MGST1: variants seen among roughly 807,000 people sequenced by gnomAD.
The protein encoded by MGST1 is microsomal glutathione S-transferase 1.
In MGST1, 5 loss-of-function variants were observed where a neutral mutation model predicts 8.9. That is an observed-to-expected ratio of 0.56 (90% CI 0.29 to 1.19). MGST1 has a LOEUF of 1.19. MGST1 is among the 50% of genes most tolerant of loss of function. MGST1 has a pLI of 0.08. For synonymous variants in MGST1, 54 were observed against 67.8 expected (o/e 0.80, Z 1.00); for missense variants, 182 against 187.4 (o/e 0.97, Z 0.17).
exon 2 of MGST1, chr12:16,437,879 C>T (rs199752809): frequency 1.5e-5 from 2 of 131,114 alleles, no homozygotes; most frequent in Admixed American, 1.5e-4. Flanking sequence ...TAGAAAAAAA[C>T]CCCTCTGAAT....
chr12:16,399,043 C>T (rs1940629494), intron 1 of MGST1, among the ~76,000 whole-genome samples: 1 of 152,228 alleles, frequency 6.6e-6, no homozygotes, highest in South Asian at 2.1e-4. Context: ...GAGCCTCCTC[C>T]TGTCCTCAAG....
rs141449561 is a variant in MGST1 at position 16,485,157 on chromosome 12, C to T, written n.482+101553C>T. On this transcript the variant is annotated intron_variant and non_coding_transcript_variant, in intron 4 of 4. Coordinates refer to the MGST1 transcript ENST00000538857. ...CCTATCTGCTCTTGGATTCTGTGAA[C>T]GCACATTCTATGGACATTGTTCTTG... Among the ~76,000 whole-genome samples, 354 of 152,300 alleles carry T rather than the reference C, an allele frequency of 2.3e-3. 1 individual carries two copies. The highest frequency in any genetic ancestry group is 7.7e-3 in the African/African-American group (320 of 41,564).
At chr12:16,353,824 A>G (rs936642056) in intron 1 of MGST1, among the ~76,000 whole-genome samples, 1 of 148,864 alleles carries the variant, frequency 6.7e-6, no homozygotes, top group Non-Finnish European at 1.5e-5. Context: ...CAGTGGCGCA[A>G]TCTTGGCTCA....
chr12:16,424,137 G>A (rs1342258304), intron 1 of MGST1, among the ~76,000 whole-genome samples: 1 of 152,176 alleles, frequency 6.6e-6, no homozygotes, highest in African/African-American at 2.4e-5. Context: ...GCAGGACCAA[G>A]AACAATTGTA....
At chr12:16,368,706 A>G (rs1026358879), downstream of MGST1, among the ~76,000 whole-genome samples, 1 of 152,080 alleles carries the variant, frequency 6.6e-6, no homozygotes, top group Non-Finnish European at 1.5e-5. Context: ...GAGCTATAGG[A>G]CCTGTGAGCC....
intron 4 of MGST1, among the ~76,000 whole-genome samples, chr12:16,543,828 T>G (rs1314988443): frequency 6.6e-6 from 1 of 152,076 alleles, no homozygotes; most frequent in African/African-American, 2.4e-5. Context: ...GAAAATTGTG[T>G]TTTGAGTTAA....
chr12:16,379,661 T>G (rs558607869), downstream of MGST1, among the ~76,000 whole-genome samples: 1 of 152,212 alleles, frequency 6.6e-6, no homozygotes, highest in Non-Finnish European at 1.5e-5. Context: ...GCTGGCCTCA[T>G]AAAATGAGTT....
intron 1 of MGST1, among the ~76,000 whole-genome samples, chr12:16,393,697 A>G (rs79387568): frequency 1.3e-5 from 2 of 152,350 alleles, no homozygotes; most frequent in East Asian, 3.9e-4. Flanking sequence ...CAGTGCACTA[A>G]GCCTGTTGCG....
At chr12:16,512,821 A>C (rs1315327643) in intron 4 of MGST1, among the ~76,000 whole-genome samples, 2 of 152,218 alleles carry the variant, frequency 1.3e-5, no homozygotes, top group Non-Finnish European at 2.9e-5. Context: ...CTATTTTTTC[A>C]TTAGGCTGTT....
chr12:16,490,508 A>G (rs2137155681), intron 4 of MGST1, among the ~76,000 whole-genome samples: 1 of 152,338 alleles, frequency 6.6e-6, no homozygotes, highest in Admixed American at 6.5e-5. Context: ...AGCATAACTC[A>G]GCAAATGCTG....
chr12:16,506,764 G>T (rs1410316877), intron 4 of MGST1, among the ~76,000 whole-genome samples: 1 of 149,292 alleles, frequency 6.7e-6, no homozygotes, highest in African/African-American at 2.4e-5. Flanking sequence ...AAGGAAAAAA[G>T]ACTACTTTTT....
intron 1 of MGST1, among the ~76,000 whole-genome samples, chr12:16,404,995 A>G (rs576065825): frequency 6.6e-6 from 1 of 152,328 alleles, no homozygotes; most frequent in East Asian, 1.9e-4. Flanking sequence ...GAACAAAGAT[A>G]CAACCTACCA....
At chr12:16,545,855 A>G (rs1941820997) in intron 4 of MGST1, among the ~76,000 whole-genome samples, 1 of 152,112 alleles carries the variant, frequency 6.6e-6, no homozygotes, top group African/African-American at 2.4e-5. Flanking sequence ...TTGCTCAAGC[A>G]TAAATAACTC....
intron 4 of MGST1, among the ~76,000 whole-genome samples, chr12:16,507,555 T>G (rs1377039552): frequency 6.6e-6 from 1 of 152,128 alleles, no homozygotes; most frequent in African/African-American, 2.4e-5. Flanking sequence ...AAGAACTACC[T>G]GAGACTGGGT....
rs11056949 is a variant in MGST1, at chr12:16,466,965, G to A, written n.482+83361G>A. On this transcript the variant is annotated intron_variant and non_coding_transcript_variant, in intron 4 of 4. Coordinates refer to the MGST1 transcript ENST00000538857. Reference sequence around the variant, plus strand: ...CTTATAAAAGGCAGTCTGACCCCGAGACTTCATAGCAGGTAGCAGATGGCT... The same window carrying A: ...CTTATAAAAGGCAGTCTGACCCCGAAACTTCATAGCAGGTAGCAGATGGCT... Among the ~76,000 whole-genome samples, 1,418 of 152,142 alleles carry A rather than the reference G, an allele frequency of 9.3e-3. 84 individuals carry two copies. The East Asian group carries it at 0.17, about 19-fold the overall frequency.
At chr12:16,386,441 T>C (rs1940504837) in intron 1 of MGST1, among the ~76,000 whole-genome samples, 1 of 152,202 alleles carries the variant, frequency 6.6e-6, no homozygotes, top group South Asian at 2.1e-4. Flanking sequence ...ACTCAGACTG[T>C]GCAGAAATCA....
At chr12:16,400,078 A>G (rs1940641351) in intron 1 of MGST1, 13 of 1,579,228 alleles carry the variant, frequency 8.2e-6, no homozygotes, top group East Asian at 2.2e-5. Flanking sequence ...TACTTTCTCC[A>G]TGAAATTCTA....
chr12:16,402,456 T>A (rs1476378100), intron 1 of MGST1: 1 of 1,589,632 alleles, frequency 6.3e-7, no homozygotes. Flanking sequence ...GTTCTGAGAA[T>A]CACGCGATGT....
Position 16,401,648 on chromosome 12 carries a change from A to G in MGST1, n.778+18044A>G. ...ACATGTGATTCTTGTCACTCACCAC[A>G]CTGAACTTGAGATTATAGTTGCCAC... On this transcript the variant is annotated intron_variant and non_coding_transcript_variant, in intron 1 of 1. Transcript: ENST00000359720. The surrounding 1 kb of genome is among the most constrained non-coding windows in gnomAD (Gnocchi z 4.3). 6.3e-7 allele frequency: 1 copy of G among 1,599,574 alleles called. No individual in the cohort carries two copies. The highest frequency in any genetic ancestry group is 8.6e-7 in the Non-Finnish European group (1 of 1,166,832).
Sources: allele counts gnomAD v4.1 joint callset (sites outside exome capture counted in the v4.1 genomes callset), GRCh38; gene constraint gnomAD v4.1.1; non-coding constraint Gnocchi (gnomAD v3.1); transcripts MANE v1.5; gene names NCBI Gene and HGNC (gene_info 2026-07-23, HGNC 2026-07-21).